The following JAK2 variants were observed in gnomAD, a reference collection of about 807,000 sequenced individuals.
JAK2 encodes the protein tyrosine-protein kinase JAK2.
Under a neutral mutation model 139.3 loss-of-function variants are expected in JAK2, and 86 were observed. That is an observed-to-expected ratio of 0.62 (90% confidence interval 0.52 to 0.74). JAK2 has a LOEUF of 0.74. JAK2 is among the 30% of genes least tolerant of loss of function. The probability of loss-of-function intolerance (pLI) is 0.00; values close to 1 mark genes in which losing one functional copy is unlikely to be tolerated. For synonymous variants in JAK2, 490 were observed against 437.7 expected (o/e 1.12, Z -1.49); for missense variants, 1,421 against 1,360.3 (o/e 1.04, Z -0.70).
intron 8 of JAK2, among the ~76,000 whole-genome samples, chr9:5,060,067 T>C (rs1285031014): frequency 6.6e-6 from 1 of 152,226 alleles, no homozygotes; most frequent in East Asian, 1.9e-4. Context: ...TCTCAGTACA[T>C]ATAAAAGTTA....
Position 5,123,068 on chromosome 9 carries a change from G to A in JAK2, c.3124G>A (p.Val1042Met). 2 of 1,612,070 alleles carry A rather than the reference G, an allele frequency of 1.2e-6. No homozygotes were observed. The highest frequency in any genetic ancestry group is 1.7e-6 in the Non-Finnish European group (2 of 1,178,660). The change falls in exon 23 of 25, where the codon GTG becomes ATG. Residue 1042 changes from valine (V) to methionine (M), a missense_variant. By Grantham distance (21) the Val-to-Met change is conservative (BLOSUM62 1). Transcript: ENST00000381652. Reference sequence around the variant, plus strand: ...GGCCTCAGATGTTTGGAGCTTTGGAGTGGTTCTGTATGAACTTTTCACATA... The same window carrying A: ...GGCCTCAGATGTTTGGAGCTTTGGAATGGTTCTGTATGAACTTTTCACATA... ...SVASDVWSFGVVLYELFTYIE... is the reference protein window; with the variant it reads ...SVASDVWSFGMVLYELFTYIE...
intron 2 of JAK2, among the ~76,000 whole-genome samples, chr9:5,013,063 T>C (rs1821803268): frequency 6.6e-6 from 1 of 152,240 alleles, no homozygotes; most frequent in Non-Finnish European, 1.5e-5. Flanking sequence ...GATATAGGGG[T>C]GAAAAAAGAG....
chr9:5,025,746 T>G (rs10124627), intron 3 of JAK2, among the ~76,000 whole-genome samples: 55,140 of 151,948 alleles, frequency 0.36, 11,095 homozygotes, highest in African/African-American at 0.54. Context: ...TGGCCAAGCT[T>G]ATCTCAAACT....
intron 23 of JAK2, 51 bp from the exon 24 acceptor site, chr9:5,126,281 AT>A: frequency 3.8e-6 from 5 of 1,311,548 alleles, no homozygotes; most frequent in Non-Finnish European, 5.4e-6. Context: ...TTGAGAAAGA[AT>A]TTTGCTACAA....
At chr9:5,021,787 G>C (rs1484531892) in intron 2 of JAK2, among the ~76,000 whole-genome samples, 176 bp from the exon 3 acceptor site, 2 of 152,108 alleles carry the variant, frequency 1.3e-5, no homozygotes, top group African/African-American at 4.8e-5. Flanking sequence ...GCCACGCCCA[G>C]CTAATTTTTT....
chr9:5,113,685 G>A (rs183346399), intron 22 of JAK2: 2 of 164,966 alleles, frequency 1.2e-5, no homozygotes, highest in Non-Finnish European at 1.4e-5. Context: ...TGGGACACAG[G>A]CTCCCTCAAC....
rs1392759936 is a variant in JAK2, at chr9:5,054,778, G to C, written c.830G>C (p.Ser277Thr). ...TEKFEVKEPG[S>T]GPSGEEIFAT... ...AAATTTGAAGTAAAAGAACCTGGAA[G>C]TGGTCCTTCAGGTGAGGAGATTTTT... The change falls in exon 7 of 25, where the codon AGT becomes ACT. Residue 277 changes from serine (S) to threonine (T), a missense_variant. Physicochemically the swap from Ser to Thr is moderately conservative, Grantham distance 58. Coordinates refer to ENST00000381652, the MANE Select transcript of JAK2 (RefSeq NM_004972.4). The surrounding 1 kb of genome is among the most constrained non-coding windows in gnomAD (Gnocchi z 4.9). 1 of 1,613,198 alleles carries C rather than the reference G, an allele frequency of 6.2e-7. No individual in the cohort carries two copies. The highest frequency in any genetic ancestry group is 8.5e-7 in the Non-Finnish European group (1 of 1,179,350).
intron 2 of JAK2, among the ~76,000 whole-genome samples, chr9:5,002,312 T>A (rs531037934): frequency 6.6e-6 from 1 of 151,972 alleles, no homozygotes; most frequent in East Asian, 1.9e-4. Context: ...CTATTTTAGC[T>A]GTATTCCCCC....
At chr9:5,118,541 G>A (rs1016519777) in intron 22 of JAK2, among the ~76,000 whole-genome samples, 1 of 152,098 alleles carries the variant, frequency 6.6e-6, no homozygotes, top group African/African-American at 2.4e-5. Context: ...AATTTTATTG[G>A]TGAATGGAAC....
intron 2 of JAK2, among the ~76,000 whole-genome samples, chr9:5,018,782 A>G (rs1822230452): frequency 6.6e-6 from 1 of 152,220 alleles, no homozygotes; most frequent in South Asian, 2.1e-4. Context: ...TTTGCTGGGT[A>G]TAGTATCCTT....
At chr9:5,013,792 G>T (rs1408865995) in intron 2 of JAK2, among the ~76,000 whole-genome samples, 1 of 151,902 alleles carries the variant, frequency 6.6e-6, no homozygotes. Context: ...AATTTATTTT[G>T]TACTTAGATG....
chr9:4,987,756 G>C (rs13301718), intron 2 of JAK2, among the ~76,000 whole-genome samples: 2 of 147,606 alleles, frequency 1.4e-5, no homozygotes, highest in Non-Finnish European at 3.0e-5. Flanking sequence ...AAAAAAGAAA[G>C]AAAAAAAGAG....
chr9:5,112,413 A>T, intron 22 of JAK2: 1 of 472,846 alleles, frequency 2.1e-6, no homozygotes. Context: ...GGATGAGGAG[A>T]ACACGTCGGC....
At chr9:5,048,065 A>T (rs1817143260) in intron 5 of JAK2, among the ~76,000 whole-genome samples, 1 of 152,102 alleles carries the variant, frequency 6.6e-6, no homozygotes, top group East Asian at 1.9e-4. Flanking sequence ...CTCATTTTTC[A>T]TATATTTATT....
intron 22 of JAK2, chr9:5,100,549 G>C (rs1247452308): frequency 1.3e-5 from 2 of 152,156 alleles, no homozygotes. Flanking sequence ...TATCACTCTA[G>C]TCTAGCCCCA....
chr9:5,037,598 A>G (rs542153401), intron 4 of JAK2, among the ~76,000 whole-genome samples: 2 of 152,302 alleles, frequency 1.3e-5, no homozygotes, highest in East Asian at 1.9e-4. Context: ...TCAGCAAACT[A>G]TCGCAAGGAC....
In JAK2 at chr9:4,999,870, GCATGCTACTACTCCTGTCCTTTTT is replaced by G. The variant is rs920396786; in HGVS notation, c.-26+13851_-26+13874del. ...CTTGTTTCATAGAATTATTAGATAT[GCATGCTACTACTCCTGTCCTTTTT>G]CAAAGGACAATTATTAGATATTCTT... On this transcript the variant is annotated intron_variant, in intron 2 of 24. Coordinates refer to ENST00000381652, the MANE Select transcript of JAK2 (RefSeq NM_004972.4). Among the ~76,000 whole-genome samples, 3 of 152,236 alleles carry G rather than the reference GCATGCTACTACTCCTGTCCTTTTT, an allele frequency of 2.0e-5. No individual in the cohort carries two copies. The East Asian group carries it at 5.8e-4, about 29-fold the overall frequency.
chr9:5,110,958 G>C, intron 22 of JAK2: 1 of 598,398 alleles, frequency 1.7e-6, no homozygotes, highest in South Asian at 1.5e-5. Flanking sequence ...CGGACAAGGA[G>C]CTCAGTAACC....
chr9:5,111,659 C>A (rs2097087631), intron 22 of JAK2: 1 of 403,360 alleles, frequency 2.5e-6, no homozygotes, highest in East Asian at 6.8e-5. Context: ...GTCCCTCCCG[C>A]CCAGCAGCGG....
Sources: gnomAD v4.1 joint callset for allele counts (sites outside exome capture counted in the v4.1 genomes callset) on GRCh38, gnomAD v4.1.1 for gene constraint, Gnocchi (gnomAD v3.1) non-coding constraint, MANE v1.5 for transcripts, NCBI Gene and HGNC (gene_info 2026-07-23, HGNC 2026-07-21) for gene names.